Variants in SLC4A4 observed in about 807,000 individuals in gnomAD.
The protein encoded by SLC4A4 is solute carrier family 4 member 4, also known as electrogenic sodium bicarbonate cotransporter 1.
Under a neutral mutation model 111.5 loss-of-function variants are expected in SLC4A4, and 27 were observed. The ratio of observed to expected loss-of-function variants is 0.24; its 90% CI spans 0.18 to 0.33. The LOEUF (loss-of-function observed/expected upper bound fraction) is 0.33. Among genes scored for constraint, SLC4A4 ranks in the 10% least tolerant of loss-of-function variants. The pLI is 1.00. For synonymous variants in SLC4A4, 443 were observed against 463.4 expected, an observed-to-expected ratio of 0.96 and a Z score of 0.57; for missense variants, 909 against 1,315.5, an observed-to-expected ratio of 0.69 and a Z score of 4.78.
chr4:71,419,165 C>T (rs1158521431), intron 7 of SLC4A4, among the ~76,000 whole-genome samples: 1 of 152,230 alleles, frequency 6.6e-6, no homozygotes, highest in South Asian at 2.1e-4. Context: ...CTTGAGGAGG[C>T]AGTCTGCCCG....
chr4:71,175,270 G>A (rs539330547), intron 2 of SLC4A4, among the ~76,000 whole-genome samples: 86 of 152,334 alleles, frequency 5.6e-4, no homozygotes, highest in Non-Finnish European at 1.1e-3. Context: ...CATGAGTGAC[G>A]CAGAAGACGG....
intron 11 of SLC4A4, among the ~76,000 whole-genome samples, 177 bp from the exon 12 acceptor site, chr4:71,453,318 A>T (rs1270158189): frequency 6.6e-6 from 1 of 152,194 alleles, no homozygotes; most frequent in East Asian, 1.9e-4. Flanking sequence ...AAAGAAAGAG[A>T]TAGAAGAAAA....
chr4:71,365,052 TCTAAGTAATGACAG>T (rs1314372137), intron 6 of SLC4A4, among the ~76,000 whole-genome samples: 1 of 152,158 alleles, frequency 6.6e-6, no homozygotes, highest in African/African-American at 2.4e-5. Context: ...GATCATTATG[TCTAAGTAATGACAG>T]TTTTAGCTAT....
intron 3 of SLC4A4, among the ~76,000 whole-genome samples, chr4:71,291,306 G>A (rs1724329254): frequency 6.6e-6 from 1 of 152,140 alleles, no homozygotes. Context: ...TTGTGCACAT[G>A]TACCCTAAAA....
At chr4:71,207,623 G>A (rs898999193) in intron 1 of SLC4A4, among the ~76,000 whole-genome samples, 2 of 152,142 alleles carry the variant, frequency 1.3e-5, no homozygotes, top group Non-Finnish European at 2.9e-5. Flanking sequence ...AGTGGTAAAG[G>A]AAGTATTGGA....
chr4:71,246,566 G>A (rs559274702), intron 2 of SLC4A4, among the ~76,000 whole-genome samples: 1 of 152,200 alleles, frequency 6.6e-6, no homozygotes, highest in Admixed American at 6.5e-5. Context: ...TAAGTGGGAA[G>A]ACAGATGTCC....
chr4:71,366,837 T>C (rs1265611903), intron 6 of SLC4A4, among the ~76,000 whole-genome samples: 1 of 152,176 alleles, frequency 6.6e-6, no homozygotes, highest in Admixed American at 6.5e-5. Flanking sequence ...AGAGTTTATA[T>C]CTCCTCCTGC....
chr4:71,476,938 C>T (rs1577996554), intron 14 of SLC4A4, among the ~76,000 whole-genome samples: 2 of 151,838 alleles, frequency 1.3e-5, no homozygotes, highest in South Asian at 4.1e-4. Context: ...AAATTTCCCA[C>T]TGTACTTTGA....
intron 3 of SLC4A4, among the ~76,000 whole-genome samples, chr4:71,338,560 CTTCTTCTTTT>C (rs1162913749): frequency 6.7e-6 from 1 of 148,274 alleles, no homozygotes; most frequent in Non-Finnish European, 1.5e-5. Context: ...TCGTCTTCTT[CTTCTTCTTTT>C]TTTTTTTTTT....
intron 6 of SLC4A4, among the ~76,000 whole-genome samples, chr4:71,373,804 G>A (rs1439771636): frequency 6.6e-6 from 1 of 152,058 alleles, no homozygotes; most frequent in Admixed American, 6.6e-5. Context: ...TGGAAAGGAG[G>A]GGATAATGCA....
At chr4:71,086,655 G>C (rs1315098548) in intron 1 of SLC4A4, among the ~76,000 whole-genome samples, 2 of 152,050 alleles carry the variant, frequency 1.3e-5, no homozygotes, top group Non-Finnish European at 2.9e-5. Context: ...TGCATCTATT[G>C]AGATAATCGT....
Position 71,399,657 on chromosome 4 carries a change from G to A in SLC4A4, c.807+2004G>A, listed in dbSNP as rs1228404242. Among the ~76,000 whole-genome samples the A allele has an allele frequency of 3.3e-5, 5 of 151,662 alleles. No individual in the cohort carries two copies. The East Asian group carries it at 7.7e-4, about 23-fold the overall frequency. ...ATTTTTCTACTCTAGATTAAAAATGGTTAGTGGCTTCCCATCATTTTAAGT... is the reference window on the plus strand; with the variant it reads ...ATTTTTCTACTCTAGATTAAAAATGATTAGTGGCTTCCCATCATTTTAAGT... On this transcript the variant is annotated intron_variant, in intron 7 of 25. Coordinates refer to ENST00000264485, the MANE Select transcript of SLC4A4 (RefSeq NM_001098484.3).
intron 18 of SLC4A4, among the ~76,000 whole-genome samples, chr4:71,536,449 C>CAT (rs1560597622): frequency 5.2e-3 from 25 of 4,842 alleles, no homozygotes; most frequent in Non-Finnish European, 6.9e-3. Context: ...AGCATATATA[C>CAT]ATATATACAT....
chr4:71,566,877 T>G (rs556183592), intron 24 of SLC4A4, 127 bp from the exon 25 acceptor site: 2 of 667,478 alleles, frequency 3.0e-6, no homozygotes, highest in Admixed American at 5.3e-5. Flanking sequence ...CCTTGTTTAT[T>G]GAAATGCCTA....
chr4:71,306,441 C>T (rs775517948), intron 3 of SLC4A4, among the ~76,000 whole-genome samples: 1 of 151,992 alleles, frequency 6.6e-6, no homozygotes, highest in African/African-American at 2.4e-5. Context: ...ATTAGCCAGA[C>T]GTGGTGGTGC....
chr4:71,294,487 G>A (rs981740677), intron 3 of SLC4A4, among the ~76,000 whole-genome samples: 6 of 152,212 alleles, frequency 3.9e-5, no homozygotes, highest in African/African-American at 1.2e-4. Flanking sequence ...GATTAAACAT[G>A]TTTGAAATGT....
intron 6 of SLC4A4, among the ~76,000 whole-genome samples, chr4:71,367,311 T>G (rs1168558968): frequency 6.6e-6 from 1 of 152,202 alleles, no homozygotes; most frequent in Non-Finnish European, 1.5e-5. Flanking sequence ...GCTAAAGGAA[T>G]ATGAATTCTC....
chr4:71,123,244 AT>A (rs897316737), intron 2 of SLC4A4, among the ~76,000 whole-genome samples: 3 of 152,206 alleles, frequency 2.0e-5, no homozygotes, highest in African/African-American at 7.2e-5. Flanking sequence ...ACTATGGCAG[AT>A]TTCTAGATCA....
intron 6 of SLC4A4, among the ~76,000 whole-genome samples, chr4:71,357,995 C>T (rs1730436056): frequency 6.6e-6 from 1 of 152,060 alleles, no homozygotes; most frequent in South Asian, 2.1e-4. Flanking sequence ...TCTATCCTCC[C>T]ATCCCACCCC....
Sources: allele counts gnomAD v4.1 joint callset (sites outside exome capture counted in the v4.1 genomes callset), GRCh38; gene constraint gnomAD v4.1.1; transcripts MANE v1.5; gene names NCBI Gene and HGNC (gene_info 2026-07-23, HGNC 2026-07-21).